Variants in UBE2D2 observed in about 807,000 individuals in gnomAD.
The protein encoded by UBE2D2 is ubiquitin conjugating enzyme E2 D2.
A neutral mutation model predicts 24.2 loss-of-function variants in UBE2D2; 2 were observed. The ratio of observed to expected loss-of-function variants is 0.08; its 90% confidence interval spans 0.03 to 0.26. UBE2D2 has a LOEUF of 0.26. Ranked by LOEUF, UBE2D2 falls within the 10% of genes least tolerant of loss-of-function variation. The probability of loss-of-function intolerance (pLI) is 1.00; values close to 1 mark genes in which losing one functional copy is unlikely to be tolerated. For synonymous variants in UBE2D2, 58 were observed against 56.5 expected, an observed-to-expected ratio of 1.03 and a Z score of -0.12; for missense variants, 44 against 177.6, an observed-to-expected ratio of 0.25 and a Z score of 4.28.
At chr5:139,571,450 T>C (rs1753350467) in intron 1 of UBE2D2, among the ~76,000 whole-genome samples, 1 of 151,922 alleles carries the variant, frequency 6.6e-6, no homozygotes, top group African/African-American at 2.4e-5. Flanking sequence ...CTATCCACTT[T>C]AGAGTACTCA....
intron 1 of UBE2D2, among the ~76,000 whole-genome samples, chr5:139,589,495 G>A (rs1753798162): frequency 6.6e-6 from 1 of 152,128 alleles, no homozygotes; most frequent in Non-Finnish European, 1.5e-5. Flanking sequence ...GGGAGGTGGA[G>A]GTTGCAGTGA....
chr5:139,613,777 C>G (rs998285618), intron 2 of UBE2D2, among the ~76,000 whole-genome samples: 2 of 152,064 alleles, frequency 1.3e-5, no homozygotes, highest in African/African-American at 4.8e-5. Flanking sequence ...TTTTGTCCCC[C>G]GTATACCAGC....
intron 3 of UBE2D2, 30 bp downstream of exon 3, chr5:139,614,647 C>A: frequency 1.2e-6 from 2 of 1,613,770 alleles, no homozygotes; most frequent in Non-Finnish European, 1.7e-6. Flanking sequence ...TCAGAATAAA[C>A]AGTTTATGTA....
chr5:139,561,738 T>TG lies in UBE2D2; in HGVS notation c.-54_-53insG. ...CTCAGGCTCCCTAGCCCCTTCCCCG[T>TG]CCCTTCCCCGCCCCCGTCCCCGCCC... On this transcript the variant is annotated 5_prime_UTR_variant, in exon 1 of 7. Coordinates refer to ENST00000398733, the MANE Select transcript of UBE2D2 (RefSeq NM_003339.3). The TG allele has an allele frequency of 7.7e-7, 1 of 1,302,706 alleles. No individual in the cohort carries two copies. The highest frequency in any genetic ancestry group is 1.0e-6 in the Non-Finnish European group (1 of 974,522). 80.7% of individuals were successfully genotyped at this position (1,302,706 alleles called of 1,614,324 possible). A position where few individuals can be genotyped will look rare whatever the true frequency, so the allele number is the denominator to read the frequency against.
chr5:139,553,385 C>T (rs574799584), intron 1 of UBE2D2, among the ~76,000 whole-genome samples: 115 of 152,300 alleles, frequency 7.6e-4, no homozygotes, highest in Non-Finnish European at 1.4e-3. Context: ...GTACTTTTTA[C>T]CACAGCAGTC....
At chr5:139,543,042 G>A (rs1287425365) in intron 1 of UBE2D2, among the ~76,000 whole-genome samples, 3 of 152,212 alleles carry the variant, frequency 2.0e-5, no homozygotes, top group South Asian at 2.1e-4. Flanking sequence ...GACTACAGGC[G>A]CGCGCCACCA....
intron 6 of UBE2D2, 112 bp from the exon 7 acceptor site, chr5:139,626,644 T>C: frequency 1.2e-6 from 1 of 851,544 alleles, no homozygotes; most frequent in Non-Finnish European, 1.9e-6. Context: ...GGGCCTTTCC[T>C]TGAATGTCCT....
Position 139,582,113 on chromosome 5 carries a change from G to C in UBE2D2, c.25-18259G>C, listed in dbSNP as rs531653651. Reference sequence around the variant, plus strand: ...TCAAGCCATCCTCCCAAGGACTGTAGGCACTGTGGTGTACAGGTGTATAGG... The same window carrying C: ...TCAAGCCATCCTCCCAAGGACTGTACGCACTGTGGTGTACAGGTGTATAGG... On this transcript the variant is annotated intron_variant, in intron 1 of 6. Transcript: ENST00000398733. Among the ~76,000 whole-genome samples, 4 of 151,554 alleles carry C rather than the reference G, an allele frequency of 2.6e-5. No individual in the cohort carries two copies. In the South Asian group the frequency reaches 8.3e-4, roughly 32 times the overall value.
chr5:139,619,845 A>G (rs937315425), intron 5 of UBE2D2, among the ~76,000 whole-genome samples: 2 of 151,018 alleles, frequency 1.3e-5, no homozygotes, highest in African/African-American at 2.4e-5. Flanking sequence ...CCTGGGCAAC[A>G]AGAGTGAAAC....
At chr5:139,621,222 G>A (rs763964424) in intron 5 of UBE2D2, among the ~76,000 whole-genome samples, 5 of 152,172 alleles carry the variant, frequency 3.3e-5, no homozygotes, top group Non-Finnish European at 7.3e-5. Flanking sequence ...CAGCCTGGGC[G>A]ACAGAGTGAG....
chr5:139,554,698 C>T (rs976655568), intron 1 of UBE2D2, among the ~76,000 whole-genome samples: 1 of 152,112 alleles, frequency 6.6e-6, no homozygotes, highest in African/African-American at 2.4e-5. Context: ...AAGAGTAGAA[C>T]GGCTGCGTCA....
chr5:139,576,744 G>A (rs1355448883), intron 1 of UBE2D2, among the ~76,000 whole-genome samples: 1 of 151,866 alleles, frequency 6.6e-6, no homozygotes, highest in African/African-American at 2.4e-5. Flanking sequence ...CAACAAAGGT[G>A]CTCCCATCTC....
intron 1 of UBE2D2, among the ~76,000 whole-genome samples, chr5:139,568,339 C>T (rs1479838494): frequency 6.8e-6 from 1 of 148,118 alleles, no homozygotes; most frequent in Non-Finnish European, 1.5e-5. Flanking sequence ...GAGACTCCAT[C>T]TCAAAAAAAA....
intron 1 of UBE2D2, among the ~76,000 whole-genome samples, chr5:139,531,645 A>AAAAG (rs1285583853): frequency 1.3e-5 from 2 of 151,632 alleles, no homozygotes; most frequent in Admixed American, 1.3e-4. Flanking sequence ...AAAAGAAAGA[A>AAAAG]AAAGAAAGAA....
chr5:139,611,713 T>C (rs1357542883), intron 2 of UBE2D2, among the ~76,000 whole-genome samples: 1 of 152,292 alleles, frequency 6.6e-6, no homozygotes, highest in Admixed American at 6.5e-5. Context: ...TTTACAGGTA[T>C]GTTTATAATT....
intron 2 of UBE2D2, 120 bp from the exon 3 acceptor site, chr5:139,614,466 C>T: frequency 8.6e-7 from 1 of 1,164,790 alleles, no homozygotes; most frequent in Non-Finnish European, 1.2e-6. Flanking sequence ...TCATCTTGCT[C>T]ATACTCATTA....
In UBE2D2 at chr5:139,600,392, G is replaced by A. The variant is rs1275728094; in HGVS notation, c.45G>A (p.Arg15=). ...RIHKELNDLA[R]DPPAQCSAGP... is the part of the protein sequence containing the mutation. ...TGTAGGAATTGAATGATCTGGCACG[G>A]GACCCTCCAGCACAGTGTTCAGCAG... The change falls in exon 2 of 7, where the codon CGG becomes CGA. Residue 15 remains arginine (R), a synonymous_variant. Coordinates refer to ENST00000398733, the MANE Select transcript of UBE2D2 (RefSeq NM_003339.3). 4 of 1,613,980 alleles carry A rather than the reference G, an allele frequency of 2.5e-6. No homozygotes were observed. The highest frequency in any genetic ancestry group is 3.4e-6 in the Non-Finnish European group (4 of 1,179,992).
intron 1 of UBE2D2, among the ~76,000 whole-genome samples, chr5:139,595,776 A>G (rs1469657247): frequency 1.3e-5 from 2 of 152,086 alleles, no homozygotes; most frequent in African/African-American, 4.8e-5. Context: ...ACTTTTATAA[A>G]ATTCAAAATG....
chr5:139,549,967 A>C (rs1352310342), intron 1 of UBE2D2, among the ~76,000 whole-genome samples: 1 of 152,200 alleles, frequency 6.6e-6, no homozygotes, highest in Non-Finnish European at 1.5e-5. Flanking sequence ...TAGCTAAAGG[A>C]TTGTAAATAC....
Sources: gnomAD v4.1 joint callset for allele counts (sites outside exome capture counted in the v4.1 genomes callset) on GRCh38, gnomAD v4.1.1 for gene constraint, MANE v1.5 for transcripts, NCBI Gene and HGNC (gene_info 2026-07-23, HGNC 2026-07-21) for gene names.